ITPK1: variants seen among roughly 807,000 people sequenced by gnomAD.
ITPK1 encodes inositol 1,3,4-trisphosphate 5/6-kinase.
Under a neutral mutation model 45.3 loss-of-function variants are expected in ITPK1, and 21 were observed. The ratio of observed to expected loss-of-function variants is 0.46; its 90% confidence interval spans 0.33 to 0.67. ITPK1 has a LOEUF of 0.67. ITPK1 is among the 30% of genes least tolerant of loss of function. The pLI is 0.02. For synonymous variants in ITPK1, 258 were observed against 253.6 expected (o/e 1.02, Z -0.16); for missense variants, 474 against 573.5 (o/e 0.83, Z 1.77).
intron 5 of ITPK1, among the ~76,000 whole-genome samples, chr14:92,971,019 G>A (rs1260628800): frequency 6.6e-6 from 1 of 152,060 alleles, no homozygotes; most frequent in Non-Finnish European, 1.5e-5. Flanking sequence ...AGCCCCACAC[G>A]CCCTTTCTTT....
intron 2 of ITPK1, among the ~76,000 whole-genome samples, chr14:93,092,319 C>T (rs1215957551): frequency 6.6e-6 from 1 of 152,214 alleles, no homozygotes. Context: ...TCCATCCAGG[C>T]CTCCTGACCC....
Position 92,941,006 on chromosome 14 carries a change from A to G in ITPK1, c.*555T>C, listed in dbSNP as rs1399997831. Reference sequence around the variant, plus strand: ...TCTGTGGCCTCCTCTGGCTGTGGGGAGGGAGGGGTTAGCTGCACACCAGGC... The same window carrying G: ...TCTGTGGCCTCCTCTGGCTGTGGGGGGGGAGGGGTTAGCTGCACACCAGGC... On this transcript the variant is annotated 3_prime_UTR_variant, in exon 11 of 11. Transcript: ENST00000267615. The G allele has an allele frequency of 5.5e-6, 7 of 1,265,774 alleles. No individual in the cohort carries two copies. Among genetic ancestry groups the G allele is most frequent in the Non-Finnish European group, 7.2e-6 (7 of 976,496 alleles). The allele number at this position is 1,265,774 out of a possible 1,614,324, so 78.4% of individuals were successfully genotyped here.
chr14:93,047,118 G>A (rs980059227), intron 3 of ITPK1, among the ~76,000 whole-genome samples: 7 of 152,222 alleles, frequency 4.6e-5, no homozygotes, highest in African/African-American at 1.7e-4. Context: ...GGCCAAGCCG[G>A]GCTGCTGGTG....
intron 5 of ITPK1, among the ~76,000 whole-genome samples, chr14:92,971,362 T>A (rs772175438): frequency 3.2e-4 from 48 of 152,220 alleles, no homozygotes; most frequent in Admixed American, 3.9e-4. Flanking sequence ...TAGAACAGCA[T>A]CTGGTTCAGA....
intron 4 of ITPK1, among the ~76,000 whole-genome samples, chr14:92,997,363 G>A (rs773443735): frequency 1.3e-5 from 2 of 152,238 alleles, no homozygotes; most frequent in Non-Finnish European, 2.9e-5. Flanking sequence ...ATGAGGGAAA[G>A]CGGCTACATG....
chr14:92,979,501 C>A (rs1308727328), intron 5 of ITPK1, among the ~76,000 whole-genome samples: 1 of 152,120 alleles, frequency 6.6e-6, no homozygotes, highest in Non-Finnish European at 1.5e-5. Context: ...AATCTCATGT[C>A]AAATTGTAAT....
intron 3 of ITPK1, among the ~76,000 whole-genome samples, chr14:93,047,426 AT>A (rs760511309): frequency 6.6e-6 from 1 of 152,230 alleles, no homozygotes; most frequent in Non-Finnish European, 1.5e-5. Flanking sequence ...ATATAATCAA[AT>A]TAAGATGAGG....
intron 3 of ITPK1, among the ~76,000 whole-genome samples, chr14:93,060,835 T>C (rs1890486880): frequency 1.3e-5 from 2 of 152,248 alleles, no homozygotes; most frequent in African/African-American, 4.8e-5. Context: ...TGAGCCTCAG[T>C]TTCCTCATCT....
Position 92,940,356 on chromosome 14 carries a change from C to A in ITPK1, c.*1205G>T, listed in dbSNP as rs560008655. The A allele has an allele frequency of 1.4e-5, 14 of 1,006,312 alleles. No individual in the cohort carries two copies. Among genetic ancestry groups the A allele is most frequent in the Non-Finnish European group, 1.7e-5 (14 of 842,214 alleles). The allele number at this position is 1,006,312 out of a possible 1,614,324, so 62.3% of individuals were successfully genotyped here. On this transcript the variant is annotated 3_prime_UTR_variant, in exon 11 of 11. Transcript: ENST00000267615. ...GGCTTCTCCCCAACCCTTTTCTCTG[C>A]AGAGGGGGCTGCCTGGATCAGGGGT...
chr14:93,086,914 C>T (rs1394920195), intron 2 of ITPK1, among the ~76,000 whole-genome samples: 2 of 152,218 alleles, frequency 1.3e-5, no homozygotes, highest in Middle Eastern at 3.2e-3. Context: ...CAGATATTTT[C>T]GGGATGGCAG....
chr14:93,085,393 G>A (rs905053096), intron 2 of ITPK1, among the ~76,000 whole-genome samples: 11 of 152,130 alleles, frequency 7.2e-5, no homozygotes, highest in African/African-American at 1.2e-4. Context: ...GAGGCAGGCC[G>A]GCCCCAAAGT....
Position 93,076,714 on chromosome 14 carries a change from A to C in ITPK1, c.96-95T>G. 6.7e-7 allele frequency: 1 copy of C among 1,484,346 alleles called. No individual in the cohort carries two copies. The highest frequency in any genetic ancestry group is 9.4e-7 in the Non-Finnish European group (1 of 1,064,156). 91.9% of individuals were successfully genotyped at this position (1,484,346 alleles called of 1,614,324 possible). A position where few individuals can be genotyped will look rare whatever the true frequency, so the allele number is the denominator to read the frequency against. ...ACAGCCGGCTGAGGGCAGGACCATG[A>C]GAGGGTTTCAGGAGGGAGCCGGCAG... is the stretch of plus-strand genomic sequence containing the variant. On this transcript the variant is annotated intron_variant, in intron 2 of 10. Coordinates refer to ENST00000267615, the MANE Select transcript of ITPK1 (RefSeq NM_014216.6). The surrounding 1 kb of genome is among the most constrained non-coding windows in gnomAD (Gnocchi z 4.3).
intron 3 of ITPK1, among the ~76,000 whole-genome samples, chr14:93,048,180 G>A (rs1889861373): frequency 6.6e-6 from 1 of 152,210 alleles, no homozygotes; most frequent in Admixed American, 6.5e-5. Flanking sequence ...GTGCCCAACG[G>A]TCATCCTTTT....
At chr14:92,954,312 A>G (rs1356763349) in intron 8 of ITPK1, among the ~76,000 whole-genome samples, 3 of 152,202 alleles carry the variant, frequency 2.0e-5, no homozygotes, top group African/African-American at 7.2e-5. Flanking sequence ...CGGAGGGAGT[A>G]GGAGCAGCCT....
chr14:93,003,457 T>C (rs746648127), intron 4 of ITPK1, among the ~76,000 whole-genome samples: 7 of 152,222 alleles, frequency 4.6e-5, no homozygotes, highest in Admixed American at 1.3e-4. Context: ...ATGCCACAGA[T>C]AGTCCTGGGA....
intron 3 of ITPK1, among the ~76,000 whole-genome samples, chr14:93,056,488 C>T (rs1354612025): frequency 6.6e-6 from 1 of 152,192 alleles, no homozygotes; most frequent in Non-Finnish European, 1.5e-5. Flanking sequence ...ACACTGGGAG[C>T]AGCAAGGGCT....
At chr14:93,114,469 A>G (rs1431656866) in intron 2 of ITPK1, among the ~76,000 whole-genome samples, 1 of 152,242 alleles carries the variant, frequency 6.6e-6, no homozygotes, top group African/African-American at 2.4e-5. Flanking sequence ...GTTCTCAGAC[A>G]GGTGGCCCAG....
rs1566678399 is a variant in ITPK1 at position 92,937,567 on chromosome 14, A to AGGT, written c.*3993_*3994insACC. ...AGGAGGCCATGGAGTCATGCTCACCAGCTCTCCCCTGAGCAGTGCGGGAGG... is the reference window on the plus strand; with the variant it reads ...AGGAGGCCATGGAGTCATGCTCACCAGGTGCTCTCCCCTGAGCAGTGCGGGAGG... On this transcript the variant is annotated 3_prime_UTR_variant, in exon 11 of 11. Coordinates refer to ENST00000267615, the MANE Select transcript of ITPK1 (RefSeq NM_014216.6). 3.3e-4 allele frequency: 50 copies of AGGT among 152,424 alleles called. No homozygotes were observed. Among genetic ancestry groups the AGGT allele is most frequent in the Admixed American group, 2.9e-3 (44 of 15,308 alleles). The allele number at this position is 152,424 out of a possible 1,614,324, so 9.4% of individuals were successfully genotyped here.
At chr14:92,949,593 T>C (rs544144129) in intron 9 of ITPK1, among the ~76,000 whole-genome samples, 1 of 152,362 alleles carries the variant, frequency 6.6e-6, no homozygotes, top group South Asian at 2.1e-4. Flanking sequence ...GGCCTTGTTT[T>C]CTTGCCCCAG....
Sources: gnomAD v4.1 joint callset for allele counts (sites outside exome capture counted in the v4.1 genomes callset) on GRCh38, gnomAD v4.1.1 for gene constraint, Gnocchi (gnomAD v3.1) non-coding constraint, MANE v1.5 for transcripts, NCBI Gene and HGNC (gene_info 2026-07-23, HGNC 2026-07-21) for gene names.